The following MYO1H variants were observed in gnomAD, a reference collection of about 807,000 sequenced individuals.
The protein encoded by MYO1H is unconventional myosin-Ih.
Under a neutral mutation model 149.3 loss-of-function variants are expected in MYO1H, and 118 were observed. That is an observed-to-expected ratio of 0.79 (90% CI 0.68 to 0.92). The LOEUF is 0.92. Ranked by LOEUF, MYO1H falls within the 40% of genes least tolerant of loss-of-function variation. MYO1H has a pLI of 0.00. For missense variants in MYO1H, 1,212 were observed against 1,280.7 expected (o/e 0.95, Z 0.82); for synonymous variants, 447 against 465.2 (o/e 0.96, Z 0.50).
intron 1 of MYO1H, among the ~76,000 whole-genome samples, chr12:109,383,692 C>T (rs1592785039): frequency 6.6e-6 from 1 of 152,142 alleles, no homozygotes; most frequent in Admixed American, 6.5e-5. Flanking sequence ...GCCAGTTGGC[C>T]GGAAGTAGTC....
chr12:109,436,595 C>G (rs1309290612), intron 22 of MYO1H, 39 bp downstream of exon 22: 1 of 1,454,338 alleles, frequency 6.9e-7, no homozygotes, highest in South Asian at 1.2e-5. Context: ...TGCTCCCTTT[C>G]TCATCTGCTT....
chr12:109,401,421 A>G, intron 6 of MYO1H, 149 bp downstream of exon 6: 1 of 743,966 alleles, frequency 1.3e-6, no homozygotes. Flanking sequence ...TATCACAAGC[A>G]ATCTAATCCA....
the MYO1H span, among the ~76,000 whole-genome samples, chr12:109,313,485 G>A: frequency 6.6e-6 from 1 of 152,196 alleles, no homozygotes; most frequent in African/African-American, 2.4e-5. Context: ...GCTGCTGTTA[G>A]CATGACTGAT....
rs543898444 is a variant in MYO1H at position 109,410,240 on chromosome 12, C to T, written c.1329+172C>T. 7.2e-5 allele frequency among the ~76,000 whole-genome samples: 11 copies of T among 152,198 alleles called. No individual in the cohort carries two copies. The South Asian group carries it at 1.9e-3, about 26-fold the overall frequency. On this transcript the variant is annotated intron_variant, in intron 12 of 31. Coordinates refer to ENST00000310903, the Ensembl canonical transcript of MYO1H. ...GGTTGCAACCTCCACCTCCTGGGCT[C>T]GAGTGATCCTCCTGCCTCAGCCTCC...
At chr12:109,429,657 C>T (rs1047360716) in intron 19 of MYO1H, among the ~76,000 whole-genome samples, 5 of 152,028 alleles carry the variant, frequency 3.3e-5, no homozygotes, top group Non-Finnish European at 1.5e-5. Context: ...TCCCCACATA[C>T]GATGAGGGGT....
At chr12:109,446,013 C>T in intron 31 of MYO1H, 1 of 985,316 alleles carries the variant, frequency 1.0e-6, no homozygotes, top group Non-Finnish European at 1.2e-6. Context: ...GGAGGTGCGG[C>T]TTAGGCTTCA....
chr12:109,446,763 C>CA (rs984965187), intron 31 of MYO1H, among the ~76,000 whole-genome samples: 19 of 152,074 alleles, frequency 1.2e-4, no homozygotes, highest in African/African-American at 4.6e-4. Context: ...GACTCCATCT[C>CA]AAAAAAATAA....
At chr12:109,443,103 CGTATATGTGTGTATATGTGTACGT>C (rs1872261492) in intron 27 of MYO1H, among the ~76,000 whole-genome samples, 1 of 64,318 alleles carries the variant, frequency 1.6e-5, no homozygotes, top group African/African-American at 5.8e-5. Context: ...TATATGTGTA[CGTATATGTGTGTATATGTGTACGT>C]ATATATGTGT....
At chr12:109,439,528 G>A in intron 23 of MYO1H, 103 bp from the exon 24 acceptor site, 5 of 790,018 alleles carry the variant, frequency 6.3e-6, no homozygotes, top group Non-Finnish European at 9.1e-6. Context: ...CATCTCCACA[G>A]CCTCTACCAC....
intron 2 of MYO1H, among the ~76,000 whole-genome samples, chr12:109,389,758 A>C (rs1467348544): frequency 1.3e-5 from 2 of 152,054 alleles, no homozygotes; most frequent in Non-Finnish European, 2.9e-5. Flanking sequence ...TAATTTTTTG[A>C]GATTTTATTA....
chr12:109,369,028 C>T (rs937490399), intron 1 of MYO1H, among the ~76,000 whole-genome samples: 3 of 152,052 alleles, frequency 2.0e-5, no homozygotes, highest in African/African-American at 7.3e-5. Context: ...ACTGTTGTCA[C>T]CCAGGCTGGA....
chr12:109,440,691 C>A (rs1310966581), intron 24 of MYO1H, 53 bp from the exon 25 acceptor site: 1 of 1,325,122 alleles, frequency 7.5e-7, no homozygotes, highest in Non-Finnish European at 1.1e-6. Flanking sequence ...ATCGCCACAG[C>A]CCCAGACAGG....
chr12:109,397,029 T>C (rs1456906616), intron 4 of MYO1H, among the ~76,000 whole-genome samples: 1 of 151,836 alleles, frequency 6.6e-6, no homozygotes, highest in Non-Finnish European at 1.5e-5. Flanking sequence ...GGTTTCGCCA[T>C]GTTGGCCAGG....
At chr12:109,444,276 A>G (rs961477990) in exon 29 of MYO1H, 2 of 1,613,784 alleles carry the variant, frequency 1.2e-6, no homozygotes, top group Middle Eastern at 1.7e-4. Flanking sequence ...GAGGACAGCA[A>G]GCAAAAGGTA....
At position 109,422,263 on chromosome 12, in the gene MYO1H, G is replaced by A. The variant is rs915159391; in HGVS notation, c.1644+1236G>A. Among the ~76,000 whole-genome samples, 4 of 152,332 alleles carry A rather than the reference G, an allele frequency of 2.6e-5. No homozygotes were observed. The East Asian group carries it at 7.7e-4, about 29-fold the overall frequency. On this transcript the variant is annotated intron_variant, in intron 16 of 31. Transcript: ENST00000310903. Reference sequence around the variant, plus strand: ...GTGAGCAGGTGAACAGTCACCTCAGGAGTGTTTTTTCTGCCTTCCCAAACT... The same window carrying A: ...GTGAGCAGGTGAACAGTCACCTCAGAAGTGTTTTTTCTGCCTTCCCAAACT...
chr12:109,425,843 C>T, intron 17 of MYO1H, 103 bp from the exon 18 acceptor site: 1 of 835,160 alleles, frequency 1.2e-6, no homozygotes, highest in South Asian at 1.5e-5. Flanking sequence ...TAGTTCAGCT[C>T]TATAGGGCTG....
chr12:109,395,179 GT>G (rs2137041262), intron 3 of MYO1H, among the ~76,000 whole-genome samples: 1 of 152,216 alleles, frequency 6.6e-6, no homozygotes, highest in Non-Finnish European at 1.5e-5. Context: ...ACTTCTCATA[GT>G]TTTACCTCTT....
rs1566044823 is a variant in MYO1H, at chr12:109,443,082, G to GTATGTGTGTATATATGTGTACA, written c.2689-411_2689-410insATATGTGTGTATATATGTGTAC. On this transcript the variant is annotated intron_variant, in intron 27 of 31. Coordinates refer to ENST00000310903, the Ensembl canonical transcript of MYO1H. ...TACGTATGTGTGTATATATGTGTAC[G>GTATGTGTGTATATATGTGTACA]TATGTGTGTATATATGTGTACGTAT... 4.0e-5 allele frequency among the ~76,000 whole-genome samples: 2 copies of GTATGTGTGTATATATGTGTACA among 49,662 alleles called. 1 individual carries two copies. Among genetic ancestry groups the GTATGTGTGTATATATGTGTACA allele is most frequent in the Non-Finnish European group, 7.1e-5 (2 of 28,362 alleles). The allele number at this position is 49,662 out of a possible 152,430, so 32.6% of individuals were successfully genotyped here. A position where few individuals can be genotyped will look rare whatever the true frequency, so the allele number is the denominator to read the frequency against.
chr12:109,378,978 A>G (rs1354769011), intron 1 of MYO1H, among the ~76,000 whole-genome samples: 2 of 152,184 alleles, frequency 1.3e-5, no homozygotes, highest in Non-Finnish European at 2.9e-5. Flanking sequence ...ATACTACAGC[A>G]TTGTTTAATG....
Sources: gnomAD v4.1 joint callset for allele counts (sites outside exome capture counted in the v4.1 genomes callset) on GRCh38, gnomAD v4.1.1 for gene constraint, MANE v1.5 for transcripts, NCBI Gene and HGNC (gene_info 2026-07-23, HGNC 2026-07-21) for gene names.